The following FBXL17 variants were observed in gnomAD, a reference collection of about 807,000 sequenced individuals.
FBXL17 encodes F-box and leucine rich repeat protein 17, also known as F-box/LRR-repeat protein 17.
FBXL17 carries 22 observed loss-of-function variants against 66.2 expected under a neutral mutation model. The observed-to-expected ratio is 0.33, with a 90% CI of 0.24 to 0.47. The LOEUF is 0.47. Ranked by LOEUF, FBXL17 falls within the 20% of genes least tolerant of loss-of-function variation. The probability of loss-of-function intolerance (pLI) is 1.00; values close to 1 mark genes in which losing one functional copy is unlikely to be tolerated. For synonymous variants in FBXL17, 474 were observed against 400.5 expected, an observed-to-expected ratio of 1.18 and a Z score of -2.19; for missense variants, 878 against 948.2, an observed-to-expected ratio of 0.93 and a Z score of 0.97.
intron 5 of FBXL17, among the ~76,000 whole-genome samples, chr5:108,222,428 A>C (rs1754905178): frequency 6.6e-6 from 1 of 152,184 alleles, no homozygotes; most frequent in Non-Finnish European, 1.5e-5. Flanking sequence ...TGAATTAAAA[A>C]TTATGGTTAC....
At chr5:107,997,711 G>C (rs758814987) in intron 7 of FBXL17, among the ~76,000 whole-genome samples, 8 of 152,116 alleles carry the variant, frequency 5.3e-5, no homozygotes, top group Non-Finnish European at 1.2e-4. Flanking sequence ...CGCGACTGAG[G>C]CTGAGAACAA....
chr5:108,307,396 C>CT (rs1758897450), intron 4 of FBXL17, among the ~76,000 whole-genome samples: 1 of 151,982 alleles, frequency 6.6e-6, no homozygotes, highest in East Asian at 1.9e-4. Flanking sequence ...GCTTCAAACT[C>CT]TTAAGACTCA....
chr5:108,120,635 A>G (rs1019698917), intron 6 of FBXL17, among the ~76,000 whole-genome samples: 1 of 152,090 alleles, frequency 6.6e-6, no homozygotes, highest in African/African-American at 2.4e-5. Flanking sequence ...GTTTGAGACC[A>G]GCCTGGTCAA....
intron 5 of FBXL17, 85 bp from the exon 6 acceptor site, chr5:108,186,332 A>G (rs149540653): frequency 1.8e-6 from 2 of 1,103,718 alleles, no homozygotes; most frequent in Non-Finnish European, 1.3e-6. Flanking sequence ...ATTACAAGGT[A>G]GAGTATCACT....
intron 7 of FBXL17, among the ~76,000 whole-genome samples, chr5:107,980,664 A>ATATATATATATATTTTTTT: frequency 4.8e-5 from 3 of 62,076 alleles, no homozygotes; most frequent in African/African-American, 3.1e-4. Flanking sequence ...ATATATATAT[A>ATATATATATATATTTTTTT]TTTTTTTTTT....
chr5:108,172,316 C>G (rs1752635695), intron 6 of FBXL17, among the ~76,000 whole-genome samples: 1 of 152,176 alleles, frequency 6.6e-6, no homozygotes. Flanking sequence ...AACGAAATTT[C>G]CACCATATTC....
intron 7 of FBXL17, among the ~76,000 whole-genome samples, chr5:107,987,384 G>T (rs1469961368): frequency 6.6e-6 from 1 of 151,392 alleles, no homozygotes; most frequent in East Asian, 1.9e-4. Context: ...TTACCTCCCT[G>T]GTGCTAAAGC....
intron 6 of FBXL17, among the ~76,000 whole-genome samples, chr5:108,042,265 G>T (rs952501212): frequency 1.3e-5 from 2 of 152,136 alleles, no homozygotes; most frequent in Non-Finnish European, 2.9e-5. Flanking sequence ...CGTAGAGAGA[G>T]CCCATGTGCC....
At chr5:108,373,276 T>C (rs1749172828) in intron 1 of FBXL17, among the ~76,000 whole-genome samples, 2 of 144,838 alleles carry the variant, frequency 1.4e-5, no homozygotes, top group South Asian at 4.2e-4. Flanking sequence ...AATATATATC[T>C]AAATATATTA....
intron 4 of FBXL17, among the ~76,000 whole-genome samples, chr5:108,308,872 T>C (rs1758980803): frequency 6.6e-6 from 1 of 152,106 alleles, no homozygotes; most frequent in Non-Finnish European, 1.5e-5. Flanking sequence ...ATAAACACTG[T>C]ACGTAAGAAT....
intron 6 of FBXL17, among the ~76,000 whole-genome samples, chr5:108,059,136 T>C (rs1747825934): frequency 6.6e-6 from 1 of 152,202 alleles, no homozygotes; most frequent in African/African-American, 2.4e-5. Flanking sequence ...TAGAACAACT[T>C]CTGATGTTTC....
intron 6 of FBXL17, among the ~76,000 whole-genome samples, chr5:108,121,740 G>T (rs1239989144): frequency 6.6e-6 from 1 of 151,996 alleles, no homozygotes; most frequent in Non-Finnish European, 1.5e-5. Context: ...TGTATTTTTA[G>T]TAGAGAGGGG....
At chr5:108,189,284 C>A (rs1180024174) in intron 5 of FBXL17, among the ~76,000 whole-genome samples, 1 of 104,992 alleles carries the variant, frequency 9.5e-6, no homozygotes, top group African/African-American at 3.7e-5. Flanking sequence ...TGGAAGAATT[C>A]ATAGGATGGG....
intron 4 of FBXL17, among the ~76,000 whole-genome samples, chr5:108,307,703 C>A (rs114858891): frequency 0.014 from 2,116 of 152,154 alleles, 18 homozygotes; most frequent in South Asian, 0.029. Context: ...AGGTACTTTG[C>A]TGCTATGAAT....
chr5:108,355,857 C>T lies in FBXL17; in HGVS notation c.1375-7327G>A, dbSNP rs562107324. 3.5e-4 allele frequency among the ~76,000 whole-genome samples: 54 copies of T among 152,178 alleles called. No homozygotes were observed. The South Asian group carries it at 9.1e-3, about 26-fold the overall frequency. On this transcript the variant is annotated intron_variant, in intron 3 of 8. Transcript: ENST00000542267. ...TAGGGCAGCAAATAGTAAACATTAA[C>T]GGATATGGTAGATATTAATCCAACT... is the stretch of plus-strand genomic sequence containing the variant.
intron 6 of FBXL17, among the ~76,000 whole-genome samples, chr5:108,172,432 C>A (rs1378065624): frequency 6.6e-6 from 1 of 152,168 alleles, no homozygotes; most frequent in African/African-American, 2.4e-5. Context: ...TCATATTGCA[C>A]AAAAGAGTGC....
intron 6 of FBXL17, among the ~76,000 whole-genome samples, chr5:108,116,522 C>T (rs1161163353): frequency 6.6e-6 from 1 of 151,306 alleles, no homozygotes; most frequent in East Asian, 1.9e-4. Flanking sequence ...GTGGCATGTG[C>T]CTGTAGTCCC....
chr5:107,948,736 T>C (rs976258094), intron 7 of FBXL17, among the ~76,000 whole-genome samples: 4 of 152,218 alleles, frequency 2.6e-5, no homozygotes, highest in African/African-American at 9.6e-5. Context: ...TAACTAGTTA[T>C]GTGAGATTGA....
chr5:108,128,183 T>G (rs1750794525), intron 6 of FBXL17, among the ~76,000 whole-genome samples: 1 of 151,752 alleles, frequency 6.6e-6, no homozygotes, highest in Admixed American at 6.6e-5. Context: ...GAGGCAGAGC[T>G]TGCAGTGAGC....
Sources: gnomAD v4.1 joint callset for allele counts (sites outside exome capture counted in the v4.1 genomes callset) on GRCh38, gnomAD v4.1.1 for gene constraint, MANE v1.5 for transcripts, NCBI Gene and HGNC (gene_info 2026-07-23, HGNC 2026-07-21) for gene names.